SULF1: variants seen among roughly 807,000 people sequenced by gnomAD.
The protein encoded by SULF1 is sulfatase 1, also known as extracellular sulfatase Sulf-1.
SULF1 carries 46 observed loss-of-function variants against 110.5 expected under a neutral mutation model. That is an observed-to-expected ratio of 0.42 (90% confidence interval 0.33 to 0.53). The LOEUF is 0.53. SULF1 is among the 20% of genes least tolerant of loss of function. SULF1 has a pLI of 0.12. For missense variants in SULF1, 941 were observed against 1,094.2 expected, an observed-to-expected ratio of 0.86 and a Z score of 1.98; for synonymous variants, 371 against 387.1, an observed-to-expected ratio of 0.96 and a Z score of 0.49.
intron 6 of SULF1, among the ~76,000 whole-genome samples, chr8:69,583,993 G>A (rs1396715994): frequency 1.3e-5 from 2 of 152,200 alleles, no homozygotes; most frequent in Non-Finnish European, 2.9e-5. Flanking sequence ...TAGCTGGAGA[G>A]AGGGACGATT....
chr8:69,607,860 T>A (rs1024283204), intron 13 of SULF1, among the ~76,000 whole-genome samples: 2 of 152,180 alleles, frequency 1.3e-5, no homozygotes, highest in Non-Finnish European at 2.9e-5. Flanking sequence ...GAATCTGCTC[T>A]CTCTCGATGT....
chr8:69,651,506 A>G (rs113225359), intron 22 of SULF1, among the ~76,000 whole-genome samples: 108 of 152,278 alleles, frequency 7.1e-4, no homozygotes, highest in African/African-American at 2.0e-3. Flanking sequence ...ACTGAGTTAT[A>G]TATACTTTTA....
At chr8:69,511,648 T>C (rs912706169) in intron 3 of SULF1, among the ~76,000 whole-genome samples, 5 of 152,192 alleles carry the variant, frequency 3.3e-5, no homozygotes, top group African/African-American at 4.8e-5. Flanking sequence ...GCACAGCCCC[T>C]CCATTCTCAA....
chr8:69,538,981 G>A (rs1421652707), intron 3 of SULF1, among the ~76,000 whole-genome samples: 1 of 152,166 alleles, frequency 6.6e-6, no homozygotes, highest in African/African-American at 2.4e-5. Flanking sequence ...GTAAGCTACC[G>A]TGCCCAGCCT....
In SULF1 at chr8:69,633,588, C is replaced by T. The variant is rs930450236; in HGVS notation, c.2284+3909C>T. Among the ~76,000 whole-genome samples the T allele has an allele frequency of 1.1e-4, 17 of 152,084 alleles. No homozygotes were observed. In the South Asian group the frequency reaches 1.2e-3, roughly 11 times the overall value. ...CTGACCTCAGGTGATCCACCCGCCT[C>T]GGCCTCCCAAAGTGCTGGGATTACA... On this transcript the variant is annotated intron_variant, in intron 19 of 22. Coordinates refer to ENST00000402687, the MANE Select transcript of SULF1 (RefSeq NM_001128205.2).
chr8:69,496,591 A>G (rs765386889), intron 2 of SULF1, among the ~76,000 whole-genome samples: 6 of 152,240 alleles, frequency 3.9e-5, no homozygotes, highest in Non-Finnish European at 8.8e-5. Flanking sequence ...TTAAGGAAGG[A>G]ACAAGATATA....
intron 1 of SULF1, among the ~76,000 whole-genome samples, chr8:69,479,092 G>A (rs541008218): frequency 1.1e-4 from 16 of 152,188 alleles, no homozygotes; most frequent in South Asian, 6.3e-4. Context: ...CTGCATTTGC[G>A]CCAGCTGGAT....
intron 3 of SULF1, among the ~76,000 whole-genome samples, chr8:69,503,952 A>C (rs1034289203): frequency 3.3e-5 from 5 of 151,980 alleles, no homozygotes; most frequent in Admixed American, 2.0e-4. Flanking sequence ...GACACGTGCC[A>C]CCACGCCTGG....
At chr8:69,622,697 C>T (rs974533311) in intron 14 of SULF1, among the ~76,000 whole-genome samples, 1 of 152,152 alleles carries the variant, frequency 6.6e-6, no homozygotes, top group Non-Finnish European at 1.5e-5. Context: ...CCAGAAAGTT[C>T]GACCTTGTTT....
chr8:69,652,236 A>C (rs993207896), intron 22 of SULF1, among the ~76,000 whole-genome samples: 2 of 151,990 alleles, frequency 1.3e-5, no homozygotes, highest in Non-Finnish European at 2.9e-5. Context: ...CCCCACCCCA[A>C]TCTCAGGATC....
At chr8:69,477,866 GT>G (rs150378001) in intron 1 of SULF1, among the ~76,000 whole-genome samples, 9 of 150,552 alleles carry the variant, frequency 6.0e-5, no homozygotes, top group Non-Finnish European at 1.0e-4. Context: ...ATTCTCCTTT[GT>G]TTTTTTTTGA....
At chr8:69,652,728 C>A (rs1314815600) in intron 22 of SULF1, among the ~76,000 whole-genome samples, 8 of 152,208 alleles carry the variant, frequency 5.3e-5, no homozygotes, top group Non-Finnish European at 1.2e-4. Flanking sequence ...TTTGGCCCTT[C>A]AAAGGTGGCC....
chr8:69,617,220 G>A (rs1007997048), intron 13 of SULF1, among the ~76,000 whole-genome samples: 13 of 151,324 alleles, frequency 8.6e-5, no homozygotes, highest in African/African-American at 2.9e-4. Context: ...CTGTAGTGCA[G>A]TAGCATGATG....
At chr8:69,550,638 C>T (rs7839662) in intron 3 of SULF1, among the ~76,000 whole-genome samples, 29,728 of 151,986 alleles carry the variant, frequency 0.2, 2,997 homozygotes, top group Middle Eastern at 0.24. Context: ...TCGGTTGTGC[C>T]CAGATCCCGG....
intron 2 of SULF1, among the ~76,000 whole-genome samples, chr8:69,498,111 CTCCACA>C (rs1397705202): frequency 2.3e-4 from 24 of 104,296 alleles, no homozygotes; most frequent in African/African-American, 8.4e-4. Flanking sequence ...CTCTCTCTCT[CTCCACA>C]CACACACACA....
At position 69,638,559 on chromosome 8, in the gene SULF1, C is replaced by G; in HGVS notation, c.2342C>G (p.Thr781Arg). The change falls in exon 20 of 23, where the codon ACA becomes AGA. Residue 781 changes from threonine (T) to arginine (R), a missense_variant. Physicochemically the swap from Thr to Arg is moderately conservative, Grantham distance 71 (BLOSUM62 -1). This residue lies in a region of SULF1 where 112 missense variants were observed against 133.5 expected (regional missense o/e 0.84). Coordinates refer to ENST00000402687, the MANE Select transcript of SULF1 (RefSeq NM_001128205.2). ...SNNNTYWCLR[T>R]VNETHNFLFC... Reference sequence around the variant, plus strand: ...AATAACACCTACTGGTGTTTGCGTACAGTTAATGAGACGCATAATTTTCTT... The same window carrying G: ...AATAACACCTACTGGTGTTTGCGTAGAGTTAATGAGACGCATAATTTTCTT... 1 of 1,614,026 alleles carries G rather than the reference C, an allele frequency of 6.2e-7. No homozygotes were observed. The highest frequency in any genetic ancestry group is 8.5e-7 in the Non-Finnish European group (1 of 1,179,960).
chr8:69,477,560 CT>C lies in SULF1; in HGVS notation c.-391+10611del, dbSNP rs200100482. The stretch of plus-strand genomic sequence containing the variant: ...TTATTCCCCTGGTAACTTTTCAAGT[CT>C]GAAAAAATAATTAAGCACACTATTA... On this transcript the variant is annotated intron_variant, in intron 1 of 22. Coordinates refer to the SULF1 transcript ENST00000260128. Among the ~76,000 whole-genome samples, 597 of 152,176 alleles carry C rather than the reference CT, an allele frequency of 3.9e-3. 5 individuals are homozygous for C. Among genetic ancestry groups the C allele is most frequent in the African/African-American group, 0.013 (558 of 41,524 alleles).
At chr8:69,523,992 AG>A (rs1277359042) in intron 3 of SULF1, among the ~76,000 whole-genome samples, 1 of 152,170 alleles carries the variant, frequency 6.6e-6, no homozygotes, top group African/African-American at 2.4e-5. Flanking sequence ...AAATTCAGAC[AG>A]GAAGAAATGA....
intron 3 of SULF1, among the ~76,000 whole-genome samples, chr8:69,512,838 A>G (rs1586270257): frequency 6.6e-6 from 1 of 152,194 alleles, no homozygotes; most frequent in Non-Finnish European, 1.5e-5. Context: ...GAGCCTTGCA[A>G]CTGACATAGG....
Sources: allele counts gnomAD v4.1 joint callset (sites outside exome capture counted in the v4.1 genomes callset), GRCh38; gene constraint gnomAD v4.1.1; regional missense constraint gnomAD v4.1.1; transcripts MANE v1.5; gene names NCBI Gene and HGNC (gene_info 2026-07-23, HGNC 2026-07-21).